ANK2: variants seen among roughly 807,000 people sequenced by gnomAD.
ANK2 encodes the protein ankyrin 2, also known as ankyrin-2.
Under a neutral mutation model 360.5 loss-of-function variants are expected in ANK2, and 83 were observed. The ratio of observed to expected loss-of-function variants is 0.23; its 90% CI spans 0.19 to 0.28. The LOEUF (loss-of-function observed/expected upper bound fraction) is 0.28, where lower values mean the gene tolerates loss of function less well. ANK2 is among the 10% of genes least tolerant of loss of function. The pLI, the probability that ANK2 is intolerant of heterozygous loss-of-function variation, is 1.00. For missense variants in ANK2, 4,201 were observed against 4,795.7 expected (o/e 0.88, Z 3.66); for synonymous variants, 1,740 against 1,759.5 (o/e 0.99, Z 0.28).
chr4:112,900,203 C>T (rs1278819710), intron 1 of ANK2, among the ~76,000 whole-genome samples: 1 of 152,114 alleles, frequency 6.6e-6, no homozygotes, highest in Non-Finnish European at 1.5e-5. Flanking sequence ...GACATTATGT[C>T]ATTTTACCTG....
intron 2 of ANK2, among the ~76,000 whole-genome samples, chr4:113,000,089 G>T (rs988820256): frequency 6.6e-6 from 1 of 152,182 alleles, no homozygotes; most frequent in Non-Finnish European, 1.5e-5. Context: ...CCACAGAAAT[G>T]GTTATACCGC....
chr4:113,285,070 G>A (rs2063864948), intron 18 of ANK2, among the ~76,000 whole-genome samples: 1 of 151,794 alleles, frequency 6.6e-6, no homozygotes, highest in South Asian at 2.1e-4. Context: ...CCACCAGTGT[G>A]TCTTAGGAAA....
At chr4:113,089,478 A>G (rs546829529) in intron 1 of ANK2, among the ~76,000 whole-genome samples, 3 of 152,316 alleles carry the variant, frequency 2.0e-5, no homozygotes, top group East Asian at 1.9e-4. Flanking sequence ...AGATGTTACT[A>G]TGATTTATGG....
chr4:112,771,258 ATG>A, the ANK2 span, among the ~76,000 whole-genome samples: 1 of 151,956 alleles, frequency 6.6e-6, no homozygotes, highest in Admixed American at 6.6e-5. Context: ...GATTACAGGC[ATG>A]CGCCACCACG....
At chr4:113,257,932 T>C (rs2050402100) in intron 11 of ANK2, 118 bp from the exon 12 acceptor site, 2 of 1,014,534 alleles carry the variant, frequency 2.0e-6, no homozygotes, top group Non-Finnish European at 3.1e-6. Flanking sequence ...CCTGCAGGGA[T>C]TGAAGAAATG....
chr4:113,136,012 G>A (rs1283049275), intron 1 of ANK2, among the ~76,000 whole-genome samples: 6 of 152,058 alleles, frequency 3.9e-5, no homozygotes, highest in South Asian at 4.2e-4. Flanking sequence ...TTGGGCCTGC[G>A]TATAGTGCTG....
chr4:112,937,134 A>G (rs979842597), intron 2 of ANK2, among the ~76,000 whole-genome samples: 1 of 152,020 alleles, frequency 6.6e-6, no homozygotes, highest in African/African-American at 2.4e-5. Context: ...TGTCCAACAA[A>G]TAGATCTGAA....
At chr4:112,966,923 G>A (rs1412026350) in intron 2 of ANK2, among the ~76,000 whole-genome samples, 2 of 152,254 alleles carry the variant, frequency 1.3e-5, no homozygotes, top group African/African-American at 4.8e-5. Flanking sequence ...ATAAATGTAA[G>A]AAAGCTTGAT....
At chr4:112,709,039 A>C in the ANK2 span, among the ~76,000 whole-genome samples, 1 of 152,214 alleles carries the variant, frequency 6.6e-6, no homozygotes, top group South Asian at 2.1e-4. Context: ...AAAAATGAGA[A>C]GGACAAGGAA....
chr4:112,738,657 C>A, the ANK2 span: 1 of 570,430 alleles, frequency 1.8e-6, no homozygotes, highest in South Asian at 1.4e-5. Context: ...TGGCAGCCAT[C>A]TCCTCCTCAG....
At chr4:112,750,674 G>A in the ANK2 span, among the ~76,000 whole-genome samples, 1 of 151,956 alleles carries the variant, frequency 6.6e-6, no homozygotes, top group Admixed American at 6.6e-5. Context: ...TACTCTATAG[G>A]CAGAGCAGCC....
intron 4 of ANK2, among the ~76,000 whole-genome samples, chr4:113,211,371 A>G (rs926935131): frequency 3.3e-5 from 5 of 152,200 alleles, no homozygotes; most frequent in Non-Finnish European, 7.4e-5. Context: ...TAATAATCAA[A>G]CAGCTTGCAT....
chr4:112,817,323 ATCCAACCCC>A (rs1273502993), upstream of ANK2, among the ~76,000 whole-genome samples: 3 of 152,172 alleles, frequency 2.0e-5, no homozygotes, highest in Non-Finnish European at 4.4e-5. Context: ...TGTAACAAAT[ATCCAACCCC>A]TCCACCATTT....
intron 1 of ANK2, among the ~76,000 whole-genome samples, chr4:112,889,244 A>C (rs1249721532): frequency 4.6e-5 from 7 of 151,952 alleles, no homozygotes; most frequent in East Asian, 1.9e-4. Flanking sequence ...AAAAAAAAAA[A>C]AACAAAACCT....
chr4:113,308,363 T>C (rs1185943079), intron 23 of ANK2, among the ~76,000 whole-genome samples: 1 of 152,170 alleles, frequency 6.6e-6, no homozygotes, highest in Non-Finnish European at 1.5e-5. Flanking sequence ...CTGAGATGCT[T>C]ATAGAAAATT....
chr4:112,898,481 CA>C (rs1339398642), intron 1 of ANK2, among the ~76,000 whole-genome samples: 1 of 152,064 alleles, frequency 6.6e-6, no homozygotes, highest in Non-Finnish European at 1.5e-5. Context: ...ATGTTTTGAT[CA>C]CAGAATAAAG....
At chr4:112,763,772 G>A in the ANK2 span, among the ~76,000 whole-genome samples, 2 of 151,608 alleles carry the variant, frequency 1.3e-5, no homozygotes, top group African/African-American at 2.4e-5. Flanking sequence ...CGCCCGCCTC[G>A]GCCTCCCAAA....
At chr4:112,830,482 A>C (rs567900799) in intron 1 of ANK2, among the ~76,000 whole-genome samples, 1 of 152,376 alleles carries the variant, frequency 6.6e-6, no homozygotes, top group African/African-American at 2.4e-5. Flanking sequence ...AGAAGGGAAC[A>C]TTAGACACTG....
Position 113,372,965 on chromosome 4 carries a change from ATC to A in ANK2, c.11611-122_11611-121del, listed in dbSNP as rs2096792047. 4 of 898,352 alleles carry A rather than the reference ATC, an allele frequency of 4.5e-6. No individual in the cohort carries two copies. The South Asian group carries it at 5.3e-5, about 12-fold the overall frequency. 55.6% of individuals were successfully genotyped at this position (898,352 alleles called of 1,614,324 possible). A position where few individuals can be genotyped will look rare whatever the true frequency, so the allele number is the denominator to read the frequency against. ...TTTTCACTAGTTGACAGGATTTTGT[ATC>A]TCAGCAATGCTTCTCAACATCGCCT... On this transcript the variant is annotated intron_variant, in intron 43 of 45. Transcript: ENST00000357077.
Sources: gnomAD v4.1 joint callset for allele counts (sites outside exome capture counted in the v4.1 genomes callset) on GRCh38, gnomAD v4.1.1 for gene constraint, MANE v1.5 for transcripts, NCBI Gene and HGNC (gene_info 2026-07-23, HGNC 2026-07-21) for gene names.